AFF2: variants seen among roughly 807,000 people sequenced by gnomAD.
The protein encoded by AFF2 is ALF transcription elongation factor 2, also known as AF4/FMR2 family member 2.
AFF2 carries 14 observed loss-of-function variants against 76.9 expected under a neutral mutation model. The observed-to-expected ratio is 0.18, with a 90% CI of 0.12 to 0.28. The LOEUF (loss-of-function observed/expected upper bound fraction) is 0.28, where lower values mean the gene tolerates loss of function less well. AFF2 is among the 10% of genes least tolerant of loss of function. AFF2 has a pLI of 1.00. For missense variants in AFF2, 868 were observed against 1,001.1 expected, an observed-to-expected ratio of 0.87 and a Z score of 1.79; for synonymous variants, 398 against 366.7, an observed-to-expected ratio of 1.09 and a Z score of -0.98.
intron 4 of AFF2, among the ~76,000 whole-genome samples, chrX:148,811,625 G>A (rs2070203742): frequency 8.9e-6 from 1 of 111,979 alleles, no homozygotes; most frequent in African/African-American, 3.3e-5. Flanking sequence ...TAAACTCAGT[G>A]GCCTTTTTAT....
chrX:148,507,358 A>G (rs782765536), intron 1 of AFF2, among the ~76,000 whole-genome samples: 38 of 112,580 alleles, frequency 3.4e-4, no homozygotes, highest in Admixed American at 7.5e-4. Context: ...GAATTCCAAG[A>G]TATGTTTAGC....
chrX:148,543,886 A>G (rs2052888387), intron 1 of AFF2, among the ~76,000 whole-genome samples: 1 of 112,459 alleles, frequency 8.9e-6, no homozygotes, highest in Non-Finnish European at 1.9e-5. Flanking sequence ...GTAAGTGAAC[A>G]ACTCTTCTGC....
intron 1 of AFF2, among the ~76,000 whole-genome samples, chrX:148,597,360 A>T (rs954672989): frequency 1.6e-4 from 18 of 111,098 alleles, no homozygotes; most frequent in Non-Finnish European, 2.6e-4. Flanking sequence ...AAATCAGCAC[A>T]GGAGCCCTTA....
Position 148,595,867 on chromosome X carries a change from TA to T in AFF2, c.48-56125del, listed in dbSNP as rs1159640307. ...GAAGTCAATAGATAATACCTAAAAA[TA>T]AAAAAATAGCAATCCAGTGTGTTTT... On this transcript the variant is annotated intron_variant, in intron 1 of 20. Transcript: ENST00000370460. 3.6e-5 allele frequency among the ~76,000 whole-genome samples: 4 copies of T among 111,434 alleles called. No individual in the cohort carries two copies. In the East Asian group the frequency reaches 1.1e-3, roughly 32 times the overall value.
chrX:148,620,724 A>G (rs1411356035), intron 1 of AFF2, among the ~76,000 whole-genome samples: 2 of 110,531 alleles, frequency 1.8e-5, no homozygotes, highest in Non-Finnish European at 3.8e-5. Context: ...TGGGACTTTT[A>G]TTTTTCCTCT....
At position 148,662,082 on chromosome X, in the gene AFF2, A is replaced by C; in HGVS notation, c.355A>C (p.Lys119Gln). ...TGAACCAAGCTTTTTTCCAGAACAA[A>C]AGAACAGAATAATTCCACCTCACCA... is the stretch of plus-strand genomic sequence containing the variant. Reference protein sequence around the residue: ...KNEPSFFPEQKNRIIPPHQDN... With the variant: ...KNEPSFFPEQQNRIIPPHQDN... The change falls in exon 3 of 21, where the codon AAG (lysine) becomes CAG (glutamine). Residue 119 changes from lysine to glutamine, a missense_variant. This residue lies in a region of AFF2 where 196 missense variants were observed against 194.8 expected (regional missense o/e 1.01). Transcript: ENST00000370460. The C allele has an allele frequency of 2.5e-6, 3 of 1,210,174 alleles. No individual in the cohort carries two copies. Among genetic ancestry groups the C allele is most frequent in the Non-Finnish European group, 3.4e-6 (3 of 894,020 alleles).
At chrX:148,614,754 C>CT (rs1557250055) in intron 1 of AFF2, among the ~76,000 whole-genome samples, 127 of 49,240 alleles carry the variant, frequency 2.6e-3, no homozygotes, top group Non-Finnish European at 3.0e-3. Context: ...TTCTTTCTTT[C>CT]TTTCTTTCTT....
At chrX:148,518,022 CAAA>C (rs543248775) in intron 1 of AFF2, among the ~76,000 whole-genome samples, 4 of 38,599 alleles carry the variant, frequency 1.0e-4, no homozygotes, top group South Asian at 1.2e-3. Context: ...GACTCCGTCT[CAAA>C]AAAAAAAAAA....
intron 1 of AFF2, among the ~76,000 whole-genome samples, chrX:148,645,441 C>T (rs1730497387): frequency 8.9e-6 from 1 of 112,289 alleles, no homozygotes; most frequent in South Asian, 3.6e-4. Context: ...GAGCCTGTCC[C>T]AGATCATCTG....
chrX:148,836,612 T>A (rs1304075810), intron 4 of AFF2, among the ~76,000 whole-genome samples: 2 of 110,966 alleles, frequency 1.8e-5, no homozygotes, highest in African/African-American at 3.3e-5. Flanking sequence ...TGCTTAATGG[T>A]TCTATATGAA....
At chrX:148,758,070 T>G (rs1340095015) in intron 3 of AFF2, among the ~76,000 whole-genome samples, 1 of 112,454 alleles carries the variant, frequency 8.9e-6, no homozygotes, top group Non-Finnish European at 1.9e-5. Context: ...ATTTGCATTA[T>G]TTAGCATGAT....
At chrX:148,648,593 A>C (rs868957243) in intron 1 of AFF2, among the ~76,000 whole-genome samples, 81 of 108,422 alleles carry the variant, frequency 7.5e-4, no homozygotes, top group African/African-American at 2.6e-3. Context: ...AAAGAAAAGA[A>C]AAAAAATCCT....
intron 3 of AFF2, among the ~76,000 whole-genome samples, chrX:148,729,271 C>T (rs1287539397): frequency 1.8e-5 from 2 of 111,456 alleles, no homozygotes; most frequent in Non-Finnish European, 1.9e-5. Flanking sequence ...CAAAGAAGAG[C>T]GTGATAATAG....
chrX:148,987,620 G>T lies in AFF2; in HGVS notation c.3814+63G>T, dbSNP rs782136881. Reference sequence around the variant, plus strand: ...ATGATGGAGTTAACTTCACTTTGAAGGACTTGAGTTGTACTTGGTGGCCTT... The same window carrying T: ...ATGATGGAGTTAACTTCACTTTGAATGACTTGAGTTGTACTTGGTGGCCTT... On this transcript the variant is annotated intron_variant, in intron 20 of 20. Transcript: ENST00000370460. 2.0e-4 allele frequency: 203 copies of T among 993,850 alleles called. 1 individual carries two copies. The highest frequency in any genetic ancestry group is 2.8e-4 in the Non-Finnish European group (201 of 718,401). 81.9% of individuals were successfully genotyped at this position (993,850 alleles called of 1,213,427 possible).
rs2072622730 is a variant in AFF2, at chrX:148,997,747, C to T, written c.*6415C>T. 1 of 112,120 alleles carries T rather than the reference C, an allele frequency of 8.9e-6. No individual in the cohort carries two copies. The highest frequency in any genetic ancestry group is 9.4e-5 in the Admixed American group (1 of 10,597). 9.2% of individuals were successfully genotyped at this position (112,120 alleles called of 1,213,427 possible). A position where few individuals can be genotyped will look rare whatever the true frequency, so the allele number is the denominator to read the frequency against. Reference sequence around the variant, plus strand: ...ACTCTGAGCACCCCCGTCACCACACCAGACAGTGGACCAGTTTTCACAGCT... The same window carrying T: ...ACTCTGAGCACCCCCGTCACCACACTAGACAGTGGACCAGTTTTCACAGCT... On this transcript the variant is annotated 3_prime_UTR_variant, in exon 21 of 21. Coordinates refer to ENST00000370460, the MANE Select transcript of AFF2 (RefSeq NM_002025.4).
At chrX:148,843,997 C>T (rs1004673547) in intron 7 of AFF2, among the ~76,000 whole-genome samples, 1 of 111,884 alleles carries the variant, frequency 8.9e-6, no homozygotes, top group East Asian at 2.8e-4. Flanking sequence ...TTAATGAGAT[C>T]ACCATTAAGT....
intron 3 of AFF2, among the ~76,000 whole-genome samples, chrX:148,677,806 G>A (rs1464108839): frequency 5.4e-5 from 6 of 111,837 alleles, no homozygotes; most frequent in Non-Finnish European, 9.4e-5. Context: ...TGGAGAAATC[G>A]CATCCTTTGA....
intron 9 of AFF2, 28 bp downstream of exon 9, chrX:148,904,286 A>G: frequency 1.0e-6 from 1 of 964,425 alleles, no homozygotes; most frequent in African/African-American, 1.9e-5. Context: ...TTAGTTGCAA[A>G]TGTTAATTTT....
chrX:148,506,804 A>G (rs530795064), intron 1 of AFF2, among the ~76,000 whole-genome samples: 14 of 111,735 alleles, frequency 1.3e-4, no homozygotes, highest in African/African-American at 4.5e-4. Context: ...CCTCACAATA[A>G]CCTTAAAGAT....
Sources: allele counts gnomAD v4.1 joint callset (sites outside exome capture counted in the v4.1 genomes callset), GRCh38; gene constraint gnomAD v4.1.1; regional missense constraint gnomAD v4.1.1; transcripts MANE v1.5; gene names NCBI Gene and HGNC (gene_info 2026-07-23, HGNC 2026-07-21).